ADSS1: variants seen among roughly 807,000 people sequenced by gnomAD.
ADSS1 encodes the protein adenylosuccinate synthetase isozyme 1.
In ADSS1, 57 loss-of-function variants were observed where a neutral mutation model predicts 59.1. That is an observed-to-expected ratio of 0.97 (90% CI 0.78 to 1.20). The LOEUF is 1.20. ADSS1 is among the 50% of genes most tolerant of loss of function. The pLI is 0.00. For missense variants in ADSS1, 603 were observed against 610.3 expected, an observed-to-expected ratio of 0.99 and a Z score of 0.13; for synonymous variants, 247 against 249.4, an observed-to-expected ratio of 0.99 and a Z score of 0.09.
intron 10 of ADSS1, among the ~76,000 whole-genome samples, chr14:104,743,816 G>A (rs1409199264): frequency 6.6e-6 from 1 of 152,266 alleles, no homozygotes; most frequent in Non-Finnish European, 1.5e-5. Flanking sequence ...CAGAGGAACC[G>A]AGTAGCTGAG....
chr14:104,747,274 C>T lies in ADSS1; in HGVS notation c.*271C>T, dbSNP rs983264153. The T allele has an allele frequency of 9.6e-6, 3 of 314,026 alleles. No homozygotes were observed. Among genetic ancestry groups the T allele is most frequent in the Non-Finnish European group, 1.8e-5 (3 of 169,740 alleles). 19.5% of individuals were successfully genotyped at this position (314,026 alleles called of 1,614,324 possible). ...AGTGTCACATGGTTGCGTGTCCAGCCGAAGCAGTGTAATAAACATCTCCAA... is the reference window on the plus strand; with the variant it reads ...AGTGTCACATGGTTGCGTGTCCAGCTGAAGCAGTGTAATAAACATCTCCAA... On this transcript the variant is annotated 3_prime_UTR_variant, in exon 13 of 13. Transcript: ENST00000330877.
intron 1 of ADSS1, among the ~76,000 whole-genome samples, chr14:104,732,361 G>A (rs1013504807): frequency 8.5e-5 from 13 of 152,216 alleles, no homozygotes; most frequent in African/African-American, 2.9e-4. Context: ...CCACGTGCCT[G>A]TGCAGCCTGA....
Position 104,740,313 on chromosome 14 carries a change from C to T in ADSS1, c.477-288C>T, listed in dbSNP as rs1199249347. On this transcript the variant is annotated intron_variant, in intron 5 of 12. Transcript: ENST00000330877. The surrounding 1 kb of genome is among the most constrained non-coding windows in gnomAD (Gnocchi z 4.8). ...CCACGCATGCTCGCACAGTTATGCA[C>T]ATGTGCACACGCCACACAAGCCCAC... Among the ~76,000 whole-genome samples, 1 of 152,072 alleles carries T rather than the reference C, an allele frequency of 6.6e-6. No homozygotes were observed. The highest frequency in any genetic ancestry group is 1.5e-5 in the Non-Finnish European group (1 of 68,024).
At chr14:104,739,617 G>T in intron 4 of ADSS1, 133 bp from the exon 5 acceptor site, 2 of 1,081,018 alleles carry the variant, frequency 1.9e-6, no homozygotes, top group African/African-American at 3.1e-5. Flanking sequence ...TCACACCCCA[G>T]TTTGTCCTCT....
At position 104,741,977 on chromosome 14, in the gene ADSS1, G is replaced by A. The variant is rs1566801689; in HGVS notation, c.923G>A (p.Gly308Glu). Residue 308 changes from glycine (G) to glutamate (E), a missense_variant, in exon 9 of 13, where the codon GGG (glycine) becomes GAG (glutamate). Coordinates refer to ENST00000330877, the MANE Select transcript of ADSS1 (RefSeq NM_152328.5). ...VKAYTTRVGIGAFPTEQINEI... is the reference protein window; with the variant it reads ...VKAYTTRVGIEAFPTEQINEI... ...GCCTATACCACACGTGTGGGCATCG[G>A]GGCCTTCCCCACCGAGCAGATCAAC... The A allele has an allele frequency of 6.2e-7, 1 of 1,613,160 alleles. No homozygotes were observed. Among genetic ancestry groups the A allele is most frequent in the Non-Finnish European group, 8.5e-7 (1 of 1,179,970 alleles).
At chr14:104,727,067 T>G (rs1890736637) in intron 1 of ADSS1, among the ~76,000 whole-genome samples, 2 of 152,216 alleles carry the variant, frequency 1.3e-5, no homozygotes, top group Admixed American at 6.5e-5. Flanking sequence ...CAAGAGTTGC[T>G]GCTTTGCTCA....
chr14:104,738,510 C>A, intron 3 of ADSS1, 72 bp downstream of exon 3: 1 of 1,548,582 alleles, frequency 6.5e-7, no homozygotes, highest in South Asian at 1.1e-5. Flanking sequence ...CTGGAGCCTT[C>A]CTGAGGGTTT....
intron 1 of ADSS1, 91 bp downstream of exon 1, chr14:104,724,553 G>A (rs533497204): frequency 2.5e-6 from 3 of 1,190,716 alleles, no homozygotes; most frequent in Middle Eastern, 6.4e-4. Context: ...TGCCCTGGCC[G>A]GTCACTCACC....
At chr14:104,729,495 A>C (rs904228784) in intron 1 of ADSS1, among the ~76,000 whole-genome samples, 2 of 124,896 alleles carry the variant, frequency 1.6e-5, no homozygotes, top group African/African-American at 6.0e-5. Flanking sequence ...GGGAGGGAGG[A>C]GGTAGCGTCG....
At chr14:104,736,883 T>TAC (rs59385893) in intron 2 of ADSS1, among the ~76,000 whole-genome samples, 1 of 44,146 alleles carries the variant, frequency 2.3e-5, no homozygotes, top group Non-Finnish European at 3.8e-5. Flanking sequence ...ACCTAGCTGA[T>TAC]ATATATATAT....
rs573205635 is a variant in ADSS1, at chr14:104,747,296, C to T, written c.*293C>T. 1.2e-4 allele frequency: 33 copies of T among 264,896 alleles called. 2 individuals are homozygous for T. The East Asian group carries it at 2.2e-3, about 17-fold the overall frequency. 16.4% of individuals were successfully genotyped at this position (264,896 alleles called of 1,614,324 possible). A position where few individuals can be genotyped will look rare whatever the true frequency, so the allele number is the denominator to read the frequency against. ...AGCCGAAGCAGTGTAATAAACATCT[C>T]CAATGGCCACTGAATGGGAGCAGTT... On this transcript the variant is annotated 3_prime_UTR_variant, in exon 13 of 13. Transcript: ENST00000330877.
chr14:104,728,385 A>G (rs1366715789), intron 1 of ADSS1, among the ~76,000 whole-genome samples: 1 of 152,160 alleles, frequency 6.6e-6, no homozygotes, highest in East Asian at 1.9e-4. Flanking sequence ...TCATTGCAGG[A>G]ACACCAGTCC....
At chr14:104,736,543 C>T (rs879774237) in intron 2 of ADSS1, among the ~76,000 whole-genome samples, 4 of 152,142 alleles carry the variant, frequency 2.6e-5, no homozygotes, top group Middle Eastern at 3.2e-3. Flanking sequence ...GCGTCGTCTC[C>T]GGGTCACTCT....
At chr14:104,730,453 G>A (rs1370480459) in intron 1 of ADSS1, among the ~76,000 whole-genome samples, 1 of 152,124 alleles carries the variant, frequency 6.6e-6, no homozygotes, top group Non-Finnish European at 1.5e-5. Flanking sequence ...TCACACCATT[G>A]CACTCCAACC....
At chr14:104,743,554 G>A (rs1370398341) in intron 10 of ADSS1, 3 of 239,724 alleles carry the variant, frequency 1.3e-5, no homozygotes, top group Non-Finnish European at 2.6e-5. Context: ...GGCCTGTTGA[G>A]GCATCCGCTC....
chr14:104,734,392 G>A (rs1165667268), intron 1 of ADSS1, among the ~76,000 whole-genome samples: 2 of 152,218 alleles, frequency 1.3e-5, no homozygotes, highest in Non-Finnish European at 2.9e-5. Context: ...GGGAAGCGAA[G>A]GCAGTGGCAT....
chr14:104,743,830 G>A (rs944646494), intron 10 of ADSS1, among the ~76,000 whole-genome samples: 4 of 152,282 alleles, frequency 2.6e-5, no homozygotes, highest in African/African-American at 9.6e-5. Context: ...AGCTGAGGGT[G>A]TGGCGTCTGG....
Position 104,745,011 on chromosome 14 carries a change from C to T in ADSS1, c.1171+102C>T. On this transcript the variant is annotated intron_variant, in intron 11 of 12. Transcript: ENST00000330877. ...AGAGAGGGGTGAGTTCCCACGTTCA[C>T]AGGACACAGGGCAAGCAGCTTGTCT... 4.0e-6 allele frequency: 4 copies of T among 987,824 alleles called. No homozygotes were observed. The South Asian group carries it at 5.9e-5, about 15-fold the overall frequency. 61.2% of individuals were successfully genotyped at this position (987,824 alleles called of 1,614,324 possible).
At position 104,740,865 on chromosome 14, in the gene ADSS1, A is replaced by G. The variant is rs758936863; in HGVS notation, c.611A>G (p.Gln204Arg). 1.2e-6 allele frequency: 2 copies of G among 1,613,824 alleles called. No homozygotes were observed. ...SRFKNLAHQH[Q>R]SMFPTLEIDI... is the part of the protein sequence containing the mutation. ...TTCAAGAACCTGGCCCACCAGCACC[A>G]GTCGATGTTCCCCACCCTGGAAATA... The change falls in exon 7 of 13, where the codon CAG becomes CGG. Residue 204 changes from glutamine to arginine, a missense_variant. Physicochemically the swap from Gln to Arg is conservative, Grantham distance 43. Transcript: ENST00000330877. The surrounding 1 kb of genome is among the most constrained non-coding windows in gnomAD (Gnocchi z 4.8).
Sources: gnomAD v4.1 joint callset for allele counts (sites outside exome capture counted in the v4.1 genomes callset) on GRCh38, gnomAD v4.1.1 for gene constraint, Gnocchi (gnomAD v3.1) non-coding constraint, MANE v1.5 for transcripts, NCBI Gene and HGNC (gene_info 2026-07-23, HGNC 2026-07-21) for gene names.